The following RBFOX1 variants were observed in gnomAD, a reference collection of about 807,000 sequenced individuals.
RBFOX1 encodes the protein RNA binding fox-1 homolog 1.
In RBFOX1, 8 loss-of-function variants were observed where a neutral mutation model predicts 57.7. The ratio of observed to expected loss-of-function variants is 0.14; its 90% CI spans 0.08 to 0.25. The LOEUF (loss-of-function observed/expected upper bound fraction) is 0.25, where lower values mean the gene tolerates loss of function less well. Among genes scored for constraint, RBFOX1 ranks in the 10% least tolerant of loss-of-function variants. The pLI is 1.00. For synonymous variants in RBFOX1, 326 were observed against 222.4 expected (o/e 1.47, Z -4.15); for missense variants, 611 against 548.5 (o/e 1.11, Z -1.14).
intron 4 of RBFOX1, among the ~76,000 whole-genome samples, chr16:7,476,533 A>G (rs2062744322): frequency 1.3e-5 from 2 of 152,234 alleles, no homozygotes; most frequent in Non-Finnish European, 2.9e-5. Flanking sequence ...AAGATACAAG[A>G]GGAAAACTTG....
At position 7,689,496 on chromosome 16, in the gene RBFOX1, C is replaced by A. The variant is rs547935192; in HGVS notation, c.995+12658C>A. Among the ~76,000 whole-genome samples the A allele has an allele frequency of 1.4e-4, 21 of 152,138 alleles. No individual in the cohort carries two copies. In the East Asian group the frequency reaches 3.7e-3, roughly 27 times the overall value. On this transcript the variant is annotated intron_variant, in intron 14 of 15. Transcript: ENST00000550418. ...CCTGTGGAGCTGATCAACAGGCAGG[C>A]CTGAGTTCTTATTAAGTGTATAGAT...
chr16:7,516,985 A>C (rs527583889), intron 4 of RBFOX1, among the ~76,000 whole-genome samples: 1 of 152,242 alleles, frequency 6.6e-6, no homozygotes, highest in East Asian at 1.9e-4. Flanking sequence ...ATGAGGGCCA[A>C]AGTCACATCT....
chr16:7,526,518 T>C (rs778441526), intron 5 of RBFOX1, among the ~76,000 whole-genome samples: 22 of 152,196 alleles, frequency 1.4e-4, no homozygotes, highest in Non-Finnish European at 2.8e-4. Context: ...CTCCCTTTTT[T>C]CTTCTAAACA....
At chr16:6,963,758 G>A (rs1368648335) in intron 3 of RBFOX1, among the ~76,000 whole-genome samples, 1 of 152,010 alleles carries the variant, frequency 6.6e-6, no homozygotes, top group African/African-American at 2.4e-5. Context: ...GAGTGCATTG[G>A]CGCGATCTCG....
Position 6,808,238 on chromosome 16 carries a change from C to T in RBFOX1, c.-16+153588C>T, listed in dbSNP as rs138164904. ...TATGCACTAGCTTCCAGCATGTAGC[C>T]TTTATATTCTACTGATGCCCCATCA... On this transcript the variant is annotated intron_variant, in intron 3 of 15. Transcript: ENST00000550418. 8.4e-4 allele frequency among the ~76,000 whole-genome samples: 127 copies of T among 150,528 alleles called. No homozygotes were observed. The Middle Eastern group carries it at 0.014, about 17-fold the overall frequency.
At chr16:7,688,978 T>C (rs543241938) in intron 14 of RBFOX1, among the ~76,000 whole-genome samples, 1 of 152,184 alleles carries the variant, frequency 6.6e-6, no homozygotes, top group South Asian at 2.1e-4. Flanking sequence ...TAGTAAAAGC[T>C]TGGTCTTGAG....
At chr16:7,419,788 G>A (rs1051460286) in intron 4 of RBFOX1, among the ~76,000 whole-genome samples, 7 of 152,086 alleles carry the variant, frequency 4.6e-5, no homozygotes, top group African/African-American at 1.4e-4. Context: ...TTAACACATC[G>A]CACACTGAAG....
chr16:6,279,251 C>T (rs2076138755), intron 1 of RBFOX1, among the ~76,000 whole-genome samples: 1 of 152,120 alleles, frequency 6.6e-6, no homozygotes, highest in Non-Finnish European at 1.5e-5. Context: ...TTATCAATTT[C>T]TGTATCTGGC....
rs183339541 is a variant in RBFOX1 at position 6,552,990 on chromosome 16, G to C, written c.-63-101613G>C. ...AAAAGTATCTAAAGAAAAAGCATCA[G>C]CTGCCCCCTGCAAGTTCTCTGAGGA... On this transcript the variant is annotated intron_variant, in intron 2 of 15. Transcript: ENST00000550418. Among the ~76,000 whole-genome samples, 14 of 152,186 alleles carry C rather than the reference G, an allele frequency of 9.2e-5. No individual in the cohort carries two copies. The East Asian group carries it at 2.5e-3, about 27-fold the overall frequency.
intron 4 of RBFOX1, among the ~76,000 whole-genome samples, chr16:7,326,702 A>G (rs967534475): frequency 6.6e-6 from 1 of 152,168 alleles, no homozygotes; most frequent in African/African-American, 2.4e-5. Context: ...AAGGATGAGT[A>G]TATCGTCCTT....
chr16:6,391,535 TATC>T (rs1433493934), intron 2 of RBFOX1, among the ~76,000 whole-genome samples: 1 of 150,516 alleles, frequency 6.6e-6, no homozygotes, highest in Non-Finnish European at 1.5e-5. Context: ...GAAAAAAAAG[TATC>T]ATGATTTGAT....
intron 2 of RBFOX1, among the ~76,000 whole-genome samples, chr16:5,476,239 A>T (rs898233842): frequency 3.9e-5 from 6 of 152,202 alleles, no homozygotes; most frequent in African/African-American, 1.4e-4. Flanking sequence ...CATATCGCAA[A>T]ACATCATGTC....
intron 3 of RBFOX1, among the ~76,000 whole-genome samples, chr16:6,866,247 T>TA (rs2059891040): frequency 6.6e-6 from 1 of 152,134 alleles, no homozygotes; most frequent in African/African-American, 2.4e-5. Flanking sequence ...TCTGGAAATG[T>TA]AAACTACTTT....
At chr16:6,667,353 C>G (rs1267737548) in intron 3 of RBFOX1, among the ~76,000 whole-genome samples, 2 of 152,088 alleles carry the variant, frequency 1.3e-5, no homozygotes, top group African/African-American at 4.8e-5. Context: ...TTGGGAAGCT[C>G]ATCTAAAGAA....
intron 3 of RBFOX1, among the ~76,000 whole-genome samples, chr16:6,832,502 A>T (rs972190566): frequency 3.9e-5 from 6 of 152,214 alleles, no homozygotes; most frequent in Non-Finnish European, 8.8e-5. Context: ...ATTGGGTATT[A>T]TCTTGAGATG....
intron 2 of RBFOX1, among the ~76,000 whole-genome samples, chr16:6,624,546 C>A (rs2098277433): frequency 6.6e-6 from 1 of 152,056 alleles, no homozygotes; most frequent in African/African-American, 2.4e-5. Flanking sequence ...GATATTTTGT[C>A]CCTTGGCAGT....
intron 3 of RBFOX1, among the ~76,000 whole-genome samples, chr16:6,687,002 G>T (rs199803261): frequency 3.3e-5 from 5 of 152,200 alleles, no homozygotes; most frequent in Admixed American, 1.3e-4. Flanking sequence ...ATAATATGTC[G>T]TCATGGAAAA....
chr16:5,472,391 A>G (rs1298814467), intron 2 of RBFOX1, among the ~76,000 whole-genome samples: 3 of 151,998 alleles, frequency 2.0e-5, no homozygotes, highest in Admixed American at 2.0e-4. Context: ...TATTAAACCC[A>G]TTTGCAGCAG....
chr16:7,241,618 TAAAG>T lies in RBFOX1; in HGVS notation c.27+189524_27+189527del, dbSNP rs531627654. ...AAAATGTTTTATCTGGAATTTATAATAAAGAAAAAACATTTCTTCTTTATGTTGG... is the reference window on the plus strand; with the variant it reads ...AAAATGTTTTATCTGGAATTTATAATAAAAAACATTTCTTCTTTATGTTGG... On this transcript the variant is annotated intron_variant, in intron 4 of 15. Coordinates refer to ENST00000550418, the MANE Select transcript of RBFOX1 (RefSeq NM_018723.4). Among the ~76,000 whole-genome samples the T allele has an allele frequency of 4.6e-5, 7 of 152,182 alleles. No homozygotes were observed. The South Asian group carries it at 8.3e-4, about 18-fold the overall frequency.
Sources: gnomAD v4.1 joint callset for allele counts (sites outside exome capture counted in the v4.1 genomes callset) on GRCh38, gnomAD v4.1.1 for gene constraint, MANE v1.5 for transcripts, NCBI Gene and HGNC (gene_info 2026-07-23, HGNC 2026-07-21) for gene names.